WDPCP: variants seen among roughly 807,000 people sequenced by gnomAD.
WDPCP encodes the protein WD repeat containing planar cell polarity effector.
WDPCP carries 71 observed loss-of-function variants against 93.1 expected under a neutral mutation model. The observed-to-expected ratio is 0.76, with a 90% confidence interval of 0.63 to 0.93. The LOEUF (loss-of-function observed/expected upper bound fraction) is 0.93. WDPCP is among the 40% of genes least tolerant of loss of function. The probability of loss-of-function intolerance (pLI) is 0.00; values close to 1 mark genes in which losing one functional copy is unlikely to be tolerated. For synonymous variants in WDPCP, 315 were observed against 315.0 expected (o/e 1.00, Z 0.00); for missense variants, 844 against 887.4 (o/e 0.95, Z 0.62).
intron 13 of WDPCP, among the ~76,000 whole-genome samples, chr2:63,276,668 AT>A (rs1683111669): frequency 6.6e-6 from 1 of 152,224 alleles, no homozygotes; most frequent in South Asian, 2.1e-4. Flanking sequence ...AACCCAATCC[AT>A]CAAAGACAAA....
intron 2 of WDPCP, among the ~76,000 whole-genome samples, chr2:63,739,217 C>T (rs913190088): frequency 2.0e-5 from 3 of 151,968 alleles, no homozygotes; most frequent in African/African-American, 4.8e-5. Context: ...CTGTTGTTTC[C>T]TTCTTTGCAT....
intron 1 of WDPCP, among the ~76,000 whole-genome samples, chr2:63,531,247 C>T (rs1703817645): frequency 6.6e-6 from 1 of 152,252 alleles, no homozygotes; most frequent in Non-Finnish European, 1.5e-5. Context: ...CCTCTGTAGA[C>T]TCCACCTCTG....
intron 3 of WDPCP, chr2:63,595,489 C>T (rs745496734): frequency 5.6e-6 from 9 of 1,612,286 alleles, no homozygotes; most frequent in Non-Finnish European, 7.6e-6. Flanking sequence ...CCTAATGGAA[C>T]TGCAAGACTG....
chr2:63,225,898 T>TAAG (rs1457219959), intron 14 of WDPCP, among the ~76,000 whole-genome samples: 1 of 151,864 alleles, frequency 6.6e-6, no homozygotes, highest in Non-Finnish European at 1.5e-5. Context: ...CTTTGCAGTA[T>TAAG]AAGAAGATGG....
At chr2:63,436,713 G>A (rs900899808) in intron 8 of WDPCP, among the ~76,000 whole-genome samples, 1 of 152,064 alleles carries the variant, frequency 6.6e-6, no homozygotes, top group African/African-American at 2.4e-5. Flanking sequence ...GTTGAAAAGA[G>A]GCCTTGAACT....
intron 1 of WDPCP, among the ~76,000 whole-genome samples, chr2:63,502,686 T>G (rs1345343065): frequency 6.6e-6 from 1 of 152,194 alleles, no homozygotes; most frequent in African/African-American, 2.4e-5. Context: ...TGAATAATAT[T>G]AATCCTTTGT....
At chr2:63,171,577 CTGG>C (rs1200446706) in intron 15 of WDPCP, among the ~76,000 whole-genome samples, 2 of 152,120 alleles carry the variant, frequency 1.3e-5, no homozygotes, top group Non-Finnish European at 2.9e-5. Context: ...TTATATATTG[CTGG>C]TGGGTATGTA....
At chr2:63,618,689 T>A (rs1363380949) in intron 3 of WDPCP, among the ~76,000 whole-genome samples, 1 of 103,660 alleles carries the variant, frequency 9.6e-6, no homozygotes, top group East Asian at 2.1e-4. Context: ...GGGATAGTAA[T>A]TTTTTTTTTT....
intron 13 of WDPCP, among the ~76,000 whole-genome samples, chr2:63,264,140 G>A (rs1239120197): frequency 6.6e-6 from 1 of 152,156 alleles, no homozygotes; most frequent in Non-Finnish European, 1.5e-5. Context: ...AGCTATCATG[G>A]TTATAACAGA....
intron 1 of WDPCP, among the ~76,000 whole-genome samples, chr2:63,542,764 T>TA (rs1704840737): frequency 1.3e-5 from 2 of 152,328 alleles, no homozygotes; most frequent in Admixed American, 6.5e-5. Flanking sequence ...CACCTGGACT[T>TA]ACAGTAATCC....
chr2:63,610,546 T>C (rs72806056), intron 3 of WDPCP, among the ~76,000 whole-genome samples: 26,253 of 150,984 alleles, frequency 0.17, 3,003 homozygotes, highest in Non-Finnish European at 0.23. Flanking sequence ...GGGAAAAAAA[T>C]ACACATATTT....
Position 63,180,759 on chromosome 2 carries a change from G to A in WDPCP, c.1916-5927C>T, listed in dbSNP as rs991254631. ...GCAGTTCTATGAGAAATCTCCATAC[G>A]GTTTTCCATACAGGTTATACTAATT... is the stretch of plus-strand genomic sequence containing the variant. On this transcript the variant is annotated intron_variant, in intron 14 of 17. Transcript: ENST00000272321. 2.0e-5 allele frequency among the ~76,000 whole-genome samples: 3 copies of A among 152,024 alleles called. No homozygotes were observed. The South Asian group carries it at 6.2e-4, about 31-fold the overall frequency.
chr2:63,714,997 G>A (rs568014297), intron 2 of WDPCP, among the ~76,000 whole-genome samples: 2 of 152,208 alleles, frequency 1.3e-5, no homozygotes, highest in Non-Finnish European at 2.9e-5. Context: ...AAAAAAGAAT[G>A]CTGTGACATG....
upstream of WDPCP, chr2:63,588,889 G>C: frequency 1.0e-6 from 1 of 957,254 alleles, no homozygotes; most frequent in Non-Finnish European, 1.6e-6. Context: ...AACCAGGGCA[G>C]CGTAAACTAC....
At chr2:63,670,745 T>G (rs1710335768) in intron 2 of WDPCP, among the ~76,000 whole-genome samples, 1 of 152,128 alleles carries the variant, frequency 6.6e-6, no homozygotes, top group African/African-American at 2.4e-5. Context: ...TGGGACCTGG[T>G]CAGAAATGGC....
intron 15 of WDPCP, among the ~76,000 whole-genome samples, chr2:63,159,388 G>A (rs1292534885): frequency 2.0e-5 from 3 of 151,814 alleles, no homozygotes; most frequent in Non-Finnish European, 4.4e-5. Context: ...ACCATGCCTG[G>A]CTTGTTTCAG....
At chr2:63,472,624 T>C (rs1699760208) in intron 6 of WDPCP, among the ~76,000 whole-genome samples, 1 of 152,228 alleles carries the variant, frequency 6.6e-6, no homozygotes, top group African/African-American at 2.4e-5. Flanking sequence ...AGTCTCACTC[T>C]GTCTCCCAGG....
At chr2:63,776,655 C>CAAAAAAAAA (rs778768889) in intron 2 of WDPCP, among the ~76,000 whole-genome samples, 6 of 53,974 alleles carry the variant, frequency 1.1e-4, no homozygotes, top group Non-Finnish European at 1.3e-4. Context: ...GGCCCTGTCT[C>CAAAAAAAAA]AAAAAAAAAA....
chr2:63,143,185 T>A (rs561109526), intron 17 of WDPCP, among the ~76,000 whole-genome samples: 1 of 152,206 alleles, frequency 6.6e-6, no homozygotes, highest in Non-Finnish European at 1.5e-5. Context: ...CCTCTTGGTC[T>A]CTTTTAACTG....
Sources: allele counts gnomAD v4.1 joint callset (sites outside exome capture counted in the v4.1 genomes callset), GRCh38; gene constraint gnomAD v4.1.1; transcripts MANE v1.5; gene names NCBI Gene and HGNC (gene_info 2026-07-23, HGNC 2026-07-21).